Variants in TENM1 observed in about 807,000 individuals in gnomAD.
The protein encoded by TENM1 is teneurin transmembrane protein 1.
TENM1 carries 35 observed loss-of-function variants against 174.8 expected under a neutral mutation model. The observed-to-expected ratio is 0.20, with a 90% CI of 0.15 to 0.27. TENM1 has a LOEUF of 0.27. TENM1 is among the 10% of genes least tolerant of loss of function. The pLI is 1.00. For synonymous variants in TENM1, 781 were observed against 798.7 expected, an observed-to-expected ratio of 0.98 and a Z score of 0.37; for missense variants, 1,633 against 2,130.1, an observed-to-expected ratio of 0.77 and a Z score of 4.59.
chrX:124,638,946 A>G (rs997195607), intron 11 of TENM1, among the ~76,000 whole-genome samples: 5 of 110,338 alleles, frequency 4.5e-5, no homozygotes, highest in African/African-American at 1.6e-4. Flanking sequence ...CCACCTCACC[A>G]TTCTCACAAC....
chrX:124,682,455 T>C (rs570771137), intron 5 of TENM1, among the ~76,000 whole-genome samples: 1 of 111,103 alleles, frequency 9.0e-6, no homozygotes, highest in Admixed American at 9.6e-5. Context: ...CAATCCTGGG[T>C]GATGGATTCT....
At chrX:124,612,590 AAAGAG>A (rs2050302536) in intron 11 of TENM1, among the ~76,000 whole-genome samples, 1 of 111,561 alleles carries the variant, frequency 9.0e-6, no homozygotes. Context: ...CAAATTCCCA[AAAGAG>A]AAGAGATTTC....
chrX:124,517,302 A>G, intron 18 of TENM1, among the ~76,000 whole-genome samples: 1 of 111,090 alleles, frequency 9.0e-6, no homozygotes, highest in Non-Finnish European at 1.9e-5. Flanking sequence ...ACTTAAAATA[A>G]AAGTTTAAAA....
At chrX:124,938,082 G>C (rs958977317) in intron 1 of TENM1, among the ~76,000 whole-genome samples, 1 of 111,559 alleles carries the variant, frequency 9.0e-6, no homozygotes, top group Admixed American at 9.5e-5. Context: ...TTCAATTCCT[G>C]ATGTAAACCC....
chrX:125,067,250 T>C, the TENM1 span, among the ~76,000 whole-genome samples: 1 of 111,399 alleles, frequency 9.0e-6, no homozygotes, highest in African/African-American at 3.3e-5. Context: ...TTTCTTAGAA[T>C]CTAAGTCAAG....
chrX:124,928,944 G>A (rs757027753), intron 1 of TENM1, among the ~76,000 whole-genome samples: 10 of 111,539 alleles, frequency 9.0e-5, no homozygotes, highest in Admixed American at 7.6e-4. Context: ...ACTCTGGCCC[G>A]ACCTAACTTA....
intron 20 of TENM1, among the ~76,000 whole-genome samples, chrX:124,491,435 A>T (rs957201509): frequency 8.9e-6 from 1 of 111,749 alleles, no homozygotes; most frequent in Admixed American, 9.5e-5. Context: ...CTCACATAGA[A>T]GTGAATCTAT....
the TENM1 span, among the ~76,000 whole-genome samples, chrX:125,120,218 C>T: frequency 9.0e-5 from 10 of 111,010 alleles, no homozygotes; most frequent in Non-Finnish European, 1.9e-4. Flanking sequence ...TTTTTTTTAC[C>T]GTAAACAACT....
At chrX:124,505,323 G>T (rs2047422108) in intron 18 of TENM1, among the ~76,000 whole-genome samples, 2 of 111,669 alleles carry the variant, frequency 1.8e-5, no homozygotes, top group Admixed American at 1.9e-4. Context: ...AGAGGCCAAC[G>T]GACTGGGGGC....
intron 23 of TENM1, among the ~76,000 whole-genome samples, chrX:124,425,997 T>TGTGTGA (rs1333321024): frequency 3.2e-4 from 1 of 3,170 alleles, no homozygotes; most frequent in African/African-American, 4.3e-4. Flanking sequence ...AAAGGACTGG[T>TGTGTGA]GTGTGTGTGT....
At chrX:125,045,693 A>T in the TENM1 span, among the ~76,000 whole-genome samples, 1 of 111,790 alleles carries the variant, frequency 8.9e-6, no homozygotes, top group East Asian at 2.8e-4. Context: ...TCTGCCCATC[A>T]TTGTGACTTC....
chrX:125,009,113 C>T, the TENM1 span, among the ~76,000 whole-genome samples: 1,494 of 88,570 alleles, frequency 0.017, 40 homozygotes, highest in African/African-American at 0.061. Flanking sequence ...TTTTTTTTTC[C>T]GGAAAAAAAA....
At chrX:124,441,549 T>C (rs947956261) in intron 23 of TENM1, among the ~76,000 whole-genome samples, 2 of 112,298 alleles carry the variant, frequency 1.8e-5, no homozygotes, top group Non-Finnish European at 3.8e-5. Context: ...TCTGCACTTA[T>C]AATATAAGCC....
chrX:124,758,656 G>A (rs1424403533), intron 3 of TENM1, among the ~76,000 whole-genome samples: 4 of 111,269 alleles, frequency 3.6e-5, no homozygotes, highest in Admixed American at 1.9e-4. Flanking sequence ...AGGGAGGAAC[G>A]GATAAAGAAG....
chrX:124,596,495 A>G (rs2049894168), intron 11 of TENM1, among the ~76,000 whole-genome samples: 1 of 112,341 alleles, frequency 8.9e-6, no homozygotes, highest in Non-Finnish European at 1.9e-5. Context: ...TGAGAAAAGT[A>G]CTATGAAGGA....
chrX:124,599,366 AG>A (rs1488684359), intron 11 of TENM1, among the ~76,000 whole-genome samples: 2 of 111,275 alleles, frequency 1.8e-5, no homozygotes, highest in African/African-American at 6.5e-5. Flanking sequence ...TTCAACTAAA[AG>A]TGGCAAGGAG....
chrX:124,543,447 G>GT (rs941326223), intron 15 of TENM1, among the ~76,000 whole-genome samples: 3 of 111,653 alleles, frequency 2.7e-5, no homozygotes, highest in South Asian at 3.8e-4. Context: ...GTAAGATTTT[G>GT]TTTTTTTAAA....
chrX:124,824,752 AT>A (rs2056116880), intron 3 of TENM1, among the ~76,000 whole-genome samples: 1 of 111,975 alleles, frequency 8.9e-6, no homozygotes, highest in African/African-American at 3.2e-5. Flanking sequence ...TGTTCTTACC[AT>A]GTCCAGATAA....
chrX:125,021,714 G>A, the TENM1 span, among the ~76,000 whole-genome samples: 2 of 112,292 alleles, frequency 1.8e-5, no homozygotes, highest in Non-Finnish European at 3.8e-5. Flanking sequence ...AATGAATGTG[G>A]TTGTGTTGCA....
Sources: gnomAD v4.1 joint callset for allele counts (sites outside exome capture counted in the v4.1 genomes callset) on GRCh38, gnomAD v4.1.1 for gene constraint, MANE v1.5 for transcripts, NCBI Gene and HGNC (gene_info 2026-07-23, HGNC 2026-07-21) for gene names.